Variants in OR4S2 observed in about 807,000 individuals in gnomAD.
The protein encoded by OR4S2 is olfactory receptor 4S2.
OR4S2 carries 16 observed loss-of-function variants against 15.1 expected under a neutral mutation model. The observed-to-expected ratio is 1.06, with a 90% CI of 0.72 to 1.61. The LOEUF is 1.61. Among genes scored for constraint, OR4S2 ranks in the 40% most tolerant of loss-of-function variants. The pLI is 0.00. For missense variants in OR4S2, 362 were observed against 379.6 expected (o/e 0.95, Z 0.38); for synonymous variants, 133 against 136.3 (o/e 0.98, Z 0.17).
intron 1 of OR4S2, 35 bp downstream of exon 1, chr11:55,648,585 A>G (rs1403203742): frequency 7.2e-6 from 1 of 138,186 alleles, no homozygotes; most frequent in Non-Finnish European, 1.6e-5. Flanking sequence ...CGAATACAGA[A>G]TATTTGTGGA....
rs1858523432 is a variant in OR4S2, at chr11:55,648,372, G to A, written c.-215G>A. On this transcript the variant is annotated 5_prime_UTR_variant, in exon 1 of 2. Transcript: ENST00000641692. ...AGGTATCATTAGGTGAGAAAACCAGGAACAACAAAGACTCATTTCTACCAG... is the reference window on the plus strand; with the variant it reads ...AGGTATCATTAGGTGAGAAAACCAGAAACAACAAAGACTCATTTCTACCAG... 1 of 137,314 alleles carries A rather than the reference G, an allele frequency of 7.3e-6. No homozygotes were observed. Among genetic ancestry groups the A allele is most frequent in the Non-Finnish European group, 1.6e-5 (1 of 61,828 alleles). 8.5% of individuals were successfully genotyped at this position (137,314 alleles called of 1,614,324 possible).
rs1858530398 is a variant in OR4S2 at position 55,648,911 on chromosome 11, T to C, written c.-37+361T>C. On this transcript the variant is annotated intron_variant, in intron 1 of 1. Coordinates refer to ENST00000641692, the MANE Select transcript of OR4S2 (RefSeq NM_001004059.3). ...CAAGAGAGGCCATGATTCAGAAGGT[T>C]AACAGCCTTTACTAGGATGCACATT... Among the ~76,000 whole-genome samples the C allele has an allele frequency of 4.4e-5, 6 of 137,768 alleles. 2 individuals carry two copies. In the Admixed American group the frequency reaches 4.8e-4, roughly 11 times the overall value. 90.4% of individuals were successfully genotyped at this position (137,768 alleles called of 152,430 possible).
At position 55,651,349 on chromosome 11, in the gene OR4S2, G is replaced by C; in HGVS notation, c.446G>C (p.Gly149Ala). The part of the protein sequence containing the change: ...CNKMLLGTWV[G>A]GFLHSIIQVA... Reference sequence around the variant, plus strand: ...AAAATGTTATTAGGGACGTGGGTAGGTGGGTTCTTACACTCCATTATCCAA... The same window carrying C: ...AAAATGTTATTAGGGACGTGGGTAGCTGGGTTCTTACACTCCATTATCCAA... The change falls in exon 2 of 2, where the codon GGT becomes GCT. Residue 149 changes from glycine (G) to alanine (A), a missense_variant. Gly to Ala is a moderately conservative substitution (Grantham distance 60). Transcript: ENST00000641692. 6.7e-7 allele frequency: 1 copy of C among 1,482,554 alleles called. No homozygotes were observed. The highest frequency in any genetic ancestry group is 1.2e-5 in the South Asian group (1 of 84,674). 91.8% of individuals were successfully genotyped at this position (1,482,554 alleles called of 1,614,324 possible).
chr11:55,652,832 T>G lies in OR4S2; in HGVS notation c.*993T>G, dbSNP rs181920397. The G allele has an allele frequency of 8.0e-4, 111 of 139,468 alleles. 11 individuals carry two copies. The highest frequency in any genetic ancestry group is 2.4e-3 in the African/African-American group (97 of 40,146). The allele number at this position is 139,468 out of a possible 1,614,324, so 8.6% of individuals were successfully genotyped here. A position where few individuals can be genotyped will look rare whatever the true frequency, so the allele number is the denominator to read the frequency against. ...AAATCTTTCACCAGCTGGTATTTCC[T>G]GTTTGCTTTTTTGTCATTGTGGATT... On this transcript the variant is annotated 3_prime_UTR_variant, in exon 2 of 2. Transcript: ENST00000641692.
Position 55,652,118 on chromosome 11 carries a change from G to C in OR4S2, c.*279G>C, listed in dbSNP as rs551282715. 1 of 196,984 alleles carries C rather than the reference G, an allele frequency of 5.1e-6. No individual in the cohort carries two copies. The highest frequency in any genetic ancestry group is 2.3e-5 in the African/African-American group (1 of 42,724). The allele number at this position is 196,984 out of a possible 1,614,324, so 12.2% of individuals were successfully genotyped here. Reference sequence around the variant, plus strand: ...TCCTCTTGGCTTTCCTTTGAGGACAGATTTCTATTACCCTACCTTGCTATT... The same window carrying C: ...TCCTCTTGGCTTTCCTTTGAGGACACATTTCTATTACCCTACCTTGCTATT... On this transcript the variant is annotated 3_prime_UTR_variant, in exon 2 of 2. Transcript: ENST00000641692.
Position 55,650,857 on chromosome 11 carries a change from CT to C in OR4S2, c.-36-4del. The stretch of plus-strand genomic sequence containing the variant: ...ATAAATACAGTCCTTTTTATGTTTT[CT>C]TTTTTTCAGGTAATTTAATTGTCTC... On this transcript the variant is annotated splice_polypyrimidine_tract_variant and intron_variant, in intron 1 of 1. Coordinates refer to ENST00000641692, the MANE Select transcript of OR4S2 (RefSeq NM_001004059.3). 1.1e-6 allele frequency: 1 copy of C among 884,624 alleles called. No homozygotes were observed. The highest frequency in any genetic ancestry group is 1.7e-6 in the Non-Finnish European group (1 of 585,632). 54.8% of individuals were successfully genotyped at this position (884,624 alleles called of 1,614,324 possible).
Position 55,651,179 on chromosome 11 carries a change from T to C in OR4S2, c.276T>C (p.Tyr92=). Residue 92 remains tyrosine, a synonymous_variant, in exon 2 of 2, where the codon TAT becomes TAC. Transcript: ENST00000641692. ...DLLAKDKTIS[Y]VGCMLQLFGV... is the part of the protein sequence containing the mutation. ...TAGCAAAGGACAAAACCATCTCCTA[T>C]GTGGGGTGCATGTTGCAACTGTTTG... 3 of 1,485,922 alleles carry C rather than the reference T, an allele frequency of 2.0e-6. No individual in the cohort carries two copies. The highest frequency in any genetic ancestry group is 2.7e-6 in the Non-Finnish European group (3 of 1,090,936). 92.0% of individuals were successfully genotyped at this position (1,485,922 alleles called of 1,614,324 possible). A position where few individuals can be genotyped will look rare whatever the true frequency, so the allele number is the denominator to read the frequency against.
rs755488745 is a variant in OR4S2 at position 55,651,537 on chromosome 11, T to TTGTAGGAGATGA, written c.636_637insTAGGAGATGATG (p.Leu212_Leu213insTer). 4.0e-6 allele frequency: 6 copies of TTGTAGGAGATGA among 1,492,502 alleles called. No individual in the cohort carries two copies. 92.5% of individuals were successfully genotyped at this position (1,492,502 alleles called of 1,614,324 possible). A position where few individuals can be genotyped will look rare whatever the true frequency, so the allele number is the denominator to read the frequency against. ...CATTGCTCTGGGGAGTTTTGTTATC[T>TTGTAGGAGATGA]TGCTAATCTCCTACAGCATCATCCT... On this transcript the variant is annotated stop_gained and inframe_insertion, in exon 2 of 2. Coordinates refer to ENST00000641692, the MANE Select transcript of OR4S2 (RefSeq NM_001004059.3). LOFTEE classifies it high-confidence loss of function.
At chr11:55,650,739 T>C in intron 1 of OR4S2, 129 bp from the exon 2 acceptor site, 2 of 498,652 alleles carry the variant, frequency 4.0e-6, no homozygotes, top group Non-Finnish European at 3.5e-6. Flanking sequence ...TCAAAATAGA[T>C]GCATTTCAAT....
Position 55,649,011 on chromosome 11 carries a change from G to GA in OR4S2, c.-37+471dup, listed in dbSNP as rs34495126. Among the ~76,000 whole-genome samples the GA allele has an allele frequency of 1.7e-3, 225 of 132,240 alleles. 35 individuals carry two copies. The highest frequency in any genetic ancestry group is 4.3e-3 in the African/African-American group (166 of 38,768). The allele number at this position is 132,240 out of a possible 152,430, so 86.8% of individuals were successfully genotyped here. A position where few individuals can be genotyped will look rare whatever the true frequency, so the allele number is the denominator to read the frequency against. ...ACCTGAATAAAATAGATTGGTGAATGAAAAAAAAAATTCCTCTAGAACCTT... is the reference window on the plus strand; with the variant it reads ...ACCTGAATAAAATAGATTGGTGAATGAAAAAAAAAAATTCCTCTAGAACCTT... On this transcript the variant is annotated intron_variant, in intron 1 of 1. Transcript: ENST00000641692.
At position 55,652,074 on chromosome 11, in the gene OR4S2, A is replaced by T; in HGVS notation, c.*235A>T. Reference sequence around the variant, plus strand: ...GAAATATTATTAAACTTAGAATCACAAAAGTGCAGAAGAGCAATTCCTCTT... The same window carrying T: ...GAAATATTATTAAACTTAGAATCACTAAAGTGCAGAAGAGCAATTCCTCTT... On this transcript the variant is annotated 3_prime_UTR_variant, in exon 2 of 2. Transcript: ENST00000641692. The T allele has an allele frequency of 3.9e-6, 1 of 256,444 alleles. No homozygotes were observed. Among genetic ancestry groups the T allele is most frequent in the East Asian group, 8.4e-5 (1 of 11,936 alleles). 15.9% of individuals were successfully genotyped at this position (256,444 alleles called of 1,614,324 possible).
intron 1 of OR4S2, among the ~76,000 whole-genome samples, chr11:55,650,187 G>C (rs187165056): frequency 7.2e-6 from 1 of 138,924 alleles, no homozygotes; most frequent in Admixed American, 7.8e-5. Context: ...TACCTTGGGG[G>C]TTACAGTAGT....
chr11:55,648,815 A>G (rs1315845183), intron 1 of OR4S2, among the ~76,000 whole-genome samples: 1 of 137,446 alleles, frequency 7.3e-6, no homozygotes, highest in African/African-American at 2.5e-5. Flanking sequence ...CAGATAAAGG[A>G]GGAAGGCATC....
Position 55,652,834 on chromosome 11 carries a change from T to C in OR4S2, c.*995T>C, listed in dbSNP as rs1323887351. The C allele has an allele frequency of 1.4e-5, 2 of 139,244 alleles. No individual in the cohort carries two copies. Among genetic ancestry groups the C allele is most frequent in the African/African-American group, 5.0e-5 (2 of 40,012 alleles). 8.6% of individuals were successfully genotyped at this position (139,244 alleles called of 1,614,324 possible). Reference sequence around the variant, plus strand: ...ATCTTTCACCAGCTGGTATTTCCTGTTTGCTTTTTTGTCATTGTGGATTAA... The same window carrying C: ...ATCTTTCACCAGCTGGTATTTCCTGCTTGCTTTTTTGTCATTGTGGATTAA... On this transcript the variant is annotated 3_prime_UTR_variant, in exon 2 of 2. Coordinates refer to ENST00000641692, the MANE Select transcript of OR4S2 (RefSeq NM_001004059.3).
chr11:55,649,617 A>G (rs1389035425), intron 1 of OR4S2, among the ~76,000 whole-genome samples: 1 of 138,670 alleles, frequency 7.2e-6, no homozygotes, highest in Non-Finnish European at 1.6e-5. Flanking sequence ...TCCATGTACC[A>G]ATGACCCCAT....
intron 1 of OR4S2, 143 bp downstream of exon 1, chr11:55,648,693 T>C (rs1565075228): frequency 7.2e-6 from 1 of 138,096 alleles, no homozygotes; most frequent in Non-Finnish European, 1.6e-5. Context: ...AAAATCATGA[T>C]AGTAAGATAG....
Position 55,652,555 on chromosome 11 carries a change from A to G in OR4S2, c.*716A>G, listed in dbSNP as rs571395767. The G allele has an allele frequency of 2.2e-4, 30 of 139,370 alleles. 3 individuals carry two copies. The highest frequency in any genetic ancestry group is 7.2e-4 in the African/African-American group (29 of 40,198). The allele number at this position is 139,370 out of a possible 1,614,324, so 8.6% of individuals were successfully genotyped here. Reference sequence around the variant, plus strand: ...TAAACCTCCAATCTTTTGTGAAGTAATATAGAGGAATTCTTACCTGTCTGT... The same window carrying G: ...TAAACCTCCAATCTTTTGTGAAGTAGTATAGAGGAATTCTTACCTGTCTGT... On this transcript the variant is annotated 3_prime_UTR_variant, in exon 2 of 2. Transcript: ENST00000641692.
rs1489208466 is a variant in OR4S2, at chr11:55,649,562, C to A, written c.-37+1012C>A. Among the ~76,000 whole-genome samples, 2 of 138,248 alleles carry A rather than the reference C, an allele frequency of 1.4e-5. 1 individual carries two copies. Among genetic ancestry groups the A allele is most frequent in the Admixed American group, 1.6e-4 (2 of 12,688 alleles). 90.7% of individuals were successfully genotyped at this position (138,248 alleles called of 152,430 possible). ...ACCTGCGGTTGATTAGCGAAAGAAT[C>A]CTAAAAGCTCCTTTAATCAAAACTA... On this transcript the variant is annotated intron_variant, in intron 1 of 1. Coordinates refer to ENST00000641692, the MANE Select transcript of OR4S2 (RefSeq NM_001004059.3).
rs1303026049 is a variant in OR4S2 at position 55,648,422 on chromosome 11, T to C, written c.-165T>C. On this transcript the variant is annotated 5_prime_UTR_variant, in exon 1 of 2. Coordinates refer to ENST00000641692, the MANE Select transcript of OR4S2 (RefSeq NM_001004059.3). ...GCCTTTCAGTTTGGGGGGTCAGGTA[T>C]TTTCCGGTACTAATTATTCACAAAG... 7.3e-6 allele frequency: 1 copy of C among 137,322 alleles called. No homozygotes were observed. The highest frequency in any genetic ancestry group is 1.6e-5 in the Non-Finnish European group (1 of 61,836). The allele number at this position is 137,322 out of a possible 1,614,324, so 8.5% of individuals were successfully genotyped here.
Sources: gnomAD v4.1 joint callset for allele counts (sites outside exome capture counted in the v4.1 genomes callset) on GRCh38, gnomAD v4.1.1 for gene constraint, MANE v1.5 for transcripts, NCBI Gene and HGNC (gene_info 2026-07-23, HGNC 2026-07-21) for gene names.